Variants in TRIQK observed in about 807,000 individuals in gnomAD.
The protein encoded by TRIQK is triple QxxK/R motif containing, also known as triple QxxK/R motif-containing protein.
TRIQK carries 10 observed loss-of-function variants against 10.8 expected under a neutral mutation model. That is an observed-to-expected ratio of 0.92 (90% confidence interval 0.57 to 1.57). The LOEUF is 1.57. Ranked by LOEUF, TRIQK falls within the 40% of genes most tolerant of loss-of-function variation. The pLI is 0.00. For synonymous variants in TRIQK, 33 were observed against 33.7 expected (o/e 0.98, Z 0.07); for missense variants, 107 against 97.7 (o/e 1.09, Z -0.40).
At chr8:92,942,691 C>T (rs756144568) in intron 2 of TRIQK, among the ~76,000 whole-genome samples, 2 of 152,194 alleles carry the variant, frequency 1.3e-5, no homozygotes, top group Admixed American at 6.5e-5. Context: ...ATACAAAAGT[C>T]AGTAGTATTT....
chr8:92,964,482 C>A (rs1269273878), intron 1 of TRIQK, among the ~76,000 whole-genome samples: 34 of 126,640 alleles, frequency 2.7e-4, no homozygotes, highest in Middle Eastern at 4.1e-3. Context: ...ATATATATAT[C>A]TAGTGATATT....
At chr8:92,889,092 T>C (rs1816631174) in intron 4 of TRIQK, among the ~76,000 whole-genome samples, 1 of 151,664 alleles carries the variant, frequency 6.6e-6, no homozygotes, top group South Asian at 2.1e-4. Context: ...AAATAAAAAG[T>C]ACCTCCTCAG....
At chr8:92,892,095 A>G (rs1247223315) in intron 3 of TRIQK, 21 bp from the exon 4 acceptor site, 4 of 1,409,732 alleles carry the variant, frequency 2.8e-6, no homozygotes, top group Non-Finnish European at 3.9e-6. Context: ...ATAGTTTCAG[A>G]CAATGAGTTA....
upstream of TRIQK, among the ~76,000 whole-genome samples, chr8:92,966,980 C>CAAAAAAAAAA (rs10655820): frequency 1.5e-5 from 1 of 68,854 alleles, no homozygotes; most frequent in African/African-American, 6.1e-5. Flanking sequence ...AAGTAGCATA[C>CAAAAAAAAAA]AAAAAAAAAA....
intron 1 of TRIQK, among the ~76,000 whole-genome samples, chr8:92,985,379 A>T (rs1813021871): frequency 6.6e-6 from 1 of 152,152 alleles, no homozygotes; most frequent in African/African-American, 2.4e-5. Flanking sequence ...CATTCCTCCT[A>T]GCTCCTGGAT....
intron 1 of TRIQK, among the ~76,000 whole-genome samples, chr8:93,002,476 A>G (rs1019600816): frequency 2.0e-5 from 3 of 152,218 alleles, no homozygotes; most frequent in African/African-American, 7.2e-5. Context: ...ATTATGAACA[A>G]TTATACACAA....
chr8:92,902,900 G>GAAAA (rs1809033916), intron 3 of TRIQK, among the ~76,000 whole-genome samples: 1 of 151,412 alleles, frequency 6.6e-6, no homozygotes, highest in Non-Finnish European at 1.5e-5. Flanking sequence ...TATGTATTGT[G>GAAAA]ATTTTGACTC....
chr8:93,013,041 C>T (rs1813351370), intron 1 of TRIQK, among the ~76,000 whole-genome samples: 1 of 152,044 alleles, frequency 6.6e-6, no homozygotes, highest in African/African-American at 2.4e-5. Context: ...ACCATGATGT[C>T]CTACACAACA....
chr8:92,899,961 A>AT (rs1402541700), intron 3 of TRIQK, among the ~76,000 whole-genome samples: 1 of 152,026 alleles, frequency 6.6e-6, no homozygotes, highest in Non-Finnish European at 1.5e-5. Context: ...AGGTGAGATG[A>AT]TATTTCATTG....
At chr8:92,924,450 C>T (rs530035980) in intron 2 of TRIQK, among the ~76,000 whole-genome samples, 1 of 151,960 alleles carries the variant, frequency 6.6e-6, no homozygotes. Context: ...CAAGCTCATT[C>T]GTGTTTCCAG....
intron 1 of TRIQK, among the ~76,000 whole-genome samples, chr8:93,007,307 G>C (rs920441452): frequency 2.0e-5 from 3 of 152,236 alleles, no homozygotes; most frequent in East Asian, 3.9e-4. Flanking sequence ...ACTGTTAAAA[G>C]AAAAACAAAC....
At chr8:92,991,477 G>T (rs1274349953) in intron 1 of TRIQK, among the ~76,000 whole-genome samples, 1 of 152,064 alleles carries the variant, frequency 6.6e-6, no homozygotes, top group South Asian at 2.1e-4. Flanking sequence ...TTCCAGCAGG[G>T]GTCGACTAGG....
intron 1 of TRIQK, among the ~76,000 whole-genome samples, chr8:92,979,269 G>T (rs1586520878): frequency 6.6e-6 from 1 of 152,102 alleles, no homozygotes; most frequent in South Asian, 2.1e-4. Context: ...AATTCTCACA[G>T]CAATGTCAGA....
intron 1 of TRIQK, among the ~76,000 whole-genome samples, chr8:92,956,050 T>C (rs1812156184): frequency 6.6e-6 from 1 of 151,778 alleles, no homozygotes; most frequent in Non-Finnish European, 1.5e-5. Flanking sequence ...GCAATTTTAG[T>C]CTTAGGTATA....
chr8:92,985,189 C>T lies in TRIQK; in HGVS notation c.-180-30625G>A, dbSNP rs549160440. Among the ~76,000 whole-genome samples, 11 of 151,738 alleles carry T rather than the reference C, an allele frequency of 7.2e-5. No individual in the cohort carries two copies. The South Asian group carries it at 2.3e-3, about 32-fold the overall frequency. Reference sequence around the variant, plus strand: ...AAAGTTAAAGACCATTTCTTGAACACATAGTTGTTTTGGCTTATATGTGAG... The same window carrying T: ...AAAGTTAAAGACCATTTCTTGAACATATAGTTGTTTTGGCTTATATGTGAG... On this transcript the variant is annotated intron_variant, in intron 1 of 4. Coordinates refer to the TRIQK transcript ENST00000520686.
At chr8:92,981,385 T>A (rs1812984999) in intron 1 of TRIQK, among the ~76,000 whole-genome samples, 1 of 151,940 alleles carries the variant, frequency 6.6e-6, no homozygotes, top group South Asian at 2.1e-4. Context: ...TCAAGCTCGT[T>A]GTGTTACACA....
chr8:93,017,110 GGAGAGAGAGAGA>G (rs3062508), intron 1 of TRIQK, among the ~76,000 whole-genome samples: 3,741 of 93,256 alleles, frequency 0.04, 187 homozygotes, highest in Admixed American at 0.066. Flanking sequence ...ATATATACTT[GGAGAGAGAGAGA>G]GAGAGAGAGA....
At chr8:92,976,323 G>A (rs1306415674) in intron 1 of TRIQK, among the ~76,000 whole-genome samples, 1 of 152,000 alleles carries the variant, frequency 6.6e-6, no homozygotes, top group Admixed American at 6.6e-5. Context: ...GTATTTTAAA[G>A]CTTTGTCATT....
intron 3 of TRIQK, among the ~76,000 whole-genome samples, chr8:92,911,889 A>G (rs1809589748): frequency 7.1e-6 from 1 of 141,740 alleles, no homozygotes; most frequent in East Asian, 2.1e-4. Flanking sequence ...ATATATGTAT[A>G]TGTGTGTGTA....
Sources: allele counts gnomAD v4.1 joint callset (sites outside exome capture counted in the v4.1 genomes callset), GRCh38; gene constraint gnomAD v4.1.1; transcripts MANE v1.5; gene names NCBI Gene and HGNC (gene_info 2026-07-23, HGNC 2026-07-21).